The following ANK3 variants were observed in gnomAD, a reference collection of about 807,000 sequenced individuals.
The protein encoded by ANK3 is ankyrin 3, also known as ankyrin-3.
A neutral mutation model predicts 370.9 loss-of-function variants in ANK3; 57 were observed. The ratio of observed to expected loss-of-function variants is 0.15; its 90% CI spans 0.12 to 0.19. The LOEUF (loss-of-function observed/expected upper bound fraction) is 0.19. ANK3 is among the 10% of genes least tolerant of loss of function. ANK3 has a pLI of 1.00. For missense variants in ANK3, 4,439 were observed against 5,302.1 expected (o/e 0.84, Z 5.06); for synonymous variants, 1,929 against 1,946.3 (o/e 0.99, Z 0.23).
At chr10:60,056,822 G>C (rs975316657) in intron 41 of ANK3, among the ~76,000 whole-genome samples, 4 of 152,136 alleles carry the variant, frequency 2.6e-5, no homozygotes, top group African/African-American at 9.7e-5. Context: ...CCAGGAATTT[G>C]AGTTCGGCCT....
chr10:60,305,923 A>AT (rs1460153276), intron 1 of ANK3, among the ~76,000 whole-genome samples: 2 of 152,224 alleles, frequency 1.3e-5, no homozygotes, highest in Admixed American at 6.5e-5. Flanking sequence ...TGGCGTTAAC[A>AT]TTTTCCATCT....
chr10:60,104,405 G>GAAAGAAAAGAAAAGAAAAGAAAAGA (rs71015766), intron 28 of ANK3, among the ~76,000 whole-genome samples: 103 of 88,298 alleles, frequency 1.2e-3, no homozygotes, highest in African/African-American at 5.8e-3. Flanking sequence ...AACAAAGAAA[G>GAAAGAAAAGAAAAGAAAAGAAAAGA]AAAGAAAAGA....
chr10:60,253,213 G>A (rs948151143), intron 7 of ANK3, among the ~76,000 whole-genome samples: 1 of 152,174 alleles, frequency 6.6e-6, no homozygotes, highest in African/African-American at 2.4e-5. Flanking sequence ...CAAGGTGGTT[G>A]GGCAGAGGAC....
At chr10:60,672,996 T>C (rs574294554) in intron 1 of ANK3, among the ~76,000 whole-genome samples, 59 of 151,956 alleles carry the variant, frequency 3.9e-4, no homozygotes, top group East Asian at 2.1e-3. Context: ...AGAAAACATG[T>C]ATTTTTTTTT....
chr10:60,264,929 T>G (rs1173114767), intron 5 of ANK3, among the ~76,000 whole-genome samples: 2 of 152,092 alleles, frequency 1.3e-5, no homozygotes, highest in Non-Finnish European at 2.9e-5. Flanking sequence ...ACAAAGATCA[T>G]GCAAAACATG....
At chr10:60,106,132 G>A (rs560584523) in intron 27 of ANK3, 73 bp from the exon 28 acceptor site, 193 of 1,346,870 alleles carry the variant, frequency 1.4e-4, no homozygotes, top group African/African-American at 1.2e-3. Flanking sequence ...AAAATGTTTC[G>A]TTAACAGTAT....
At chr10:60,185,121 C>T (rs1342020254) in intron 17 of ANK3, among the ~76,000 whole-genome samples, 2 of 151,940 alleles carry the variant, frequency 1.3e-5, no homozygotes, top group African/African-American at 4.8e-5. Context: ...GACATGCACT[C>T]CTAAAAGGAA....
At chr10:60,310,016 C>G (rs943507692) in intron 1 of ANK3, among the ~76,000 whole-genome samples, 1 of 149,868 alleles carries the variant, frequency 6.7e-6, no homozygotes, top group East Asian at 2.0e-4. Flanking sequence ...ACCTCAAACT[C>G]TTGGACTCAA....
intron 16 of ANK3, among the ~76,000 whole-genome samples, chr10:60,194,685 G>T (rs556399118): frequency 1.3e-5 from 2 of 152,042 alleles, no homozygotes; most frequent in Non-Finnish European, 2.9e-5. Flanking sequence ...CCACCTTTTG[G>T]CTGTCATGAA....
At chr10:60,133,486 A>G (rs1474044823) in intron 25 of ANK3, among the ~76,000 whole-genome samples, 4 of 152,254 alleles carry the variant, frequency 2.6e-5, no homozygotes, top group African/African-American at 7.2e-5. Flanking sequence ...AGATTCTGGT[A>G]GAAAGCAAAA....
In ANK3 at chr10:60,198,320, T is replaced by G; in HGVS notation, c.1689+20A>C. On this transcript the variant is annotated intron_variant, in intron 14 of 43. Coordinates refer to ENST00000280772, the MANE Select transcript of ANK3 (RefSeq NM_020987.5). ...TGTATTTGGGGGGACAGAGCAGGAT[T>G]CTGAGATTTGCTTTCATACCTTTGT... 1.2e-6 allele frequency: 2 copies of G among 1,613,564 alleles called. No individual in the cohort carries two copies. Among genetic ancestry groups the G allele is most frequent in the South Asian group, 1.1e-5 (1 of 91,058 alleles).
intron 1 of ANK3, among the ~76,000 whole-genome samples, chr10:60,316,828 A>G (rs1365700407): frequency 6.6e-6 from 1 of 151,318 alleles, no homozygotes; most frequent in Non-Finnish European, 1.5e-5. Context: ...GCTCACTGCA[A>G]GCTCCGCCTC....
At chr10:60,321,207 G>A (rs1236460283) in intron 1 of ANK3, among the ~76,000 whole-genome samples, 1 of 151,990 alleles carries the variant, frequency 6.6e-6, no homozygotes. Flanking sequence ...CTGGCAGCAT[G>A]AGACCCTCTT....
intron 2 of ANK3, among the ~76,000 whole-genome samples, chr10:60,583,746 C>T (rs750192101): frequency 2.6e-5 from 4 of 151,976 alleles, no homozygotes; most frequent in Non-Finnish European, 4.4e-5. Flanking sequence ...CCATGCCTGG[C>T]TAATTTTTTG....
intron 1 of ANK3, among the ~76,000 whole-genome samples, chr10:60,387,056 A>G (rs1004982535): frequency 6.6e-6 from 1 of 151,984 alleles, no homozygotes; most frequent in Non-Finnish European, 1.5e-5. Context: ...GCTACTAAGG[A>G]GGCTGAGGCA....
intron 1 of ANK3, among the ~76,000 whole-genome samples, chr10:60,386,215 A>C (rs1409176064): frequency 1.3e-5 from 2 of 152,070 alleles, no homozygotes; most frequent in African/African-American, 4.8e-5. Context: ...CATGCCTCCC[A>C]CTGGTTGCCA....
chr10:60,577,148 A>T (rs1595309130), intron 2 of ANK3, among the ~76,000 whole-genome samples: 1 of 152,212 alleles, frequency 6.6e-6, no homozygotes, highest in East Asian at 1.9e-4. Context: ...CAGTACAAAG[A>T]GAGTGAGAGG....
intron 1 of ANK3, among the ~76,000 whole-genome samples, chr10:60,720,769 T>C (rs530254577): frequency 2.0e-5 from 3 of 152,190 alleles, no homozygotes; most frequent in Admixed American, 2.0e-4. Context: ...CACACCACTA[T>C]GCCCTGCTAA....
intron 1 of ANK3, among the ~76,000 whole-genome samples, chr10:60,716,449 T>A (rs938957684): frequency 6.6e-6 from 1 of 152,064 alleles, no homozygotes; most frequent in African/African-American, 2.4e-5. Flanking sequence ...AGAAAATAAA[T>A]CTCAATCTTC....
Sources: gnomAD v4.1 joint callset for allele counts (sites outside exome capture counted in the v4.1 genomes callset) on GRCh38, gnomAD v4.1.1 for gene constraint, MANE v1.5 for transcripts, NCBI Gene and HGNC (gene_info 2026-07-23, HGNC 2026-07-21) for gene names.